Variants in CUL4B observed in about 807,000 individuals in gnomAD.
CUL4B encodes cullin 4B.
In CUL4B, 1 loss-of-function variant was observed where a neutral mutation model predicts 69.2. The observed-to-expected ratio is 0.01, with a 90% CI of 0.01 to 0.07. CUL4B has a LOEUF of 0.07. CUL4B is among the 10% of genes least tolerant of loss of function. The probability of loss-of-function intolerance (pLI) is 1.00; values close to 1 mark genes in which losing one functional copy is unlikely to be tolerated. For missense variants in CUL4B, 328 were observed against 638.8 expected (o/e 0.51, Z 5.24); for synonymous variants, 237 against 223.2 (o/e 1.06, Z -0.55).
At chrX:120,568,946 T>C (rs142761265), downstream of CUL4B, among the ~76,000 whole-genome samples, 6 of 111,452 alleles carry the variant, frequency 5.4e-5, no homozygotes, top group African/African-American at 2.0e-4. Context: ...AGAGCCCCAC[T>C]CACCAAGAGA....
intron 6 of CUL4B, 97 bp downstream of exon 6, chrX:120,544,384 C>A: frequency 1.0e-6 from 1 of 967,649 alleles, no homozygotes; most frequent in Non-Finnish European, 1.5e-6. Flanking sequence ...TTCCTTCAAA[C>A]CTTGTTATGA....
At chrX:120,566,379 A>G (rs1307111835), upstream of CUL4B, among the ~76,000 whole-genome samples, 1 of 65,777 alleles carries the variant, frequency 1.5e-5, no homozygotes, top group African/African-American at 4.6e-5. Flanking sequence ...ATATATATAT[A>G]TATATATATA....
upstream of CUL4B, among the ~76,000 whole-genome samples, chrX:120,563,468 C>A (rs1473658673): frequency 2.7e-5 from 3 of 111,555 alleles, no homozygotes; most frequent in African/African-American, 9.8e-5. Context: ...AACTCCTGGC[C>A]TCAAGTGATC....
At chrX:120,556,030 G>A (rs933326016) in intron 2 of CUL4B, among the ~76,000 whole-genome samples, 7 of 107,803 alleles carry the variant, frequency 6.5e-5, no homozygotes, top group African/African-American at 2.4e-4. Flanking sequence ...GAGATAATAC[G>A]AGATGAATCC....
In CUL4B at chrX:120,560,267, G is replaced by A. The variant is rs769677249; in HGVS notation, c.372C>T (p.Ser124=). Residue 124 remains serine (S), a synonymous_variant, in exon 1 of 20, where the codon TCC becomes TCT. Coordinates refer to ENST00000371322, the MANE Select transcript of CUL4B (RefSeq NM_001079872.2). ...AKMAEESSSS[S]SSSSPTAATS... ...TTGCAGCAGTTGGTGAAGATGAGGA[G>A]GAGGAGGAGGAGGATTCCTCAGCCA... 3 of 1,210,392 alleles carry A rather than the reference G, an allele frequency of 2.5e-6. No homozygotes were observed. The East Asian group carries it at 8.9e-5, about 36-fold the overall frequency.
At chrX:120,564,026 C>T (rs1186145851), upstream of CUL4B, among the ~76,000 whole-genome samples, 1 of 112,264 alleles carries the variant, frequency 8.9e-6, no homozygotes, top group Non-Finnish European at 1.9e-5. Flanking sequence ...GATCTGGCCA[C>T]GCGTGGTGGC....
chrX:120,543,061 T>C (rs1924096015), intron 8 of CUL4B, 28 bp from the exon 9 acceptor site: 6 of 1,031,164 alleles, frequency 5.8e-6, no homozygotes, highest in Non-Finnish European at 8.1e-6. Context: ...AAGGTTAGTA[T>C]TATTGACGTT....
chrX:120,561,469 T>TG, upstream of CUL4B: 1 of 283,449 alleles, frequency 3.5e-6, no homozygotes, highest in South Asian at 3.7e-5. Flanking sequence ...AGGGAGAAAT[T>TG]GGGGGGAAGA....
In CUL4B at chrX:120,536,908, T is replaced by A; in HGVS notation, c.2046+19A>T. The A allele has an allele frequency of 9.3e-7, 1 of 1,072,285 alleles. No individual in the cohort carries two copies. Among genetic ancestry groups the A allele is most frequent in the African/African-American group, 1.8e-5 (1 of 55,053 alleles). 88.4% of individuals were successfully genotyped at this position (1,072,285 alleles called of 1,213,427 possible). A position where few individuals can be genotyped will look rare whatever the true frequency, so the allele number is the denominator to read the frequency against. ...ATGATTTCTATGCCTATAACTCAGT[T>A]CTAAACAGTAACTCTTACCTCTGGT... On this transcript the variant is annotated intron_variant, in intron 15 of 19. Transcript: ENST00000371322.
chrX:120,539,967 T>G (rs987279600), intron 11 of CUL4B, among the ~76,000 whole-genome samples: 2 of 111,622 alleles, frequency 1.8e-5, no homozygotes, highest in African/African-American at 6.5e-5. Context: ...GTATATCACA[T>G]CCTTATGCTA....
intron 19 of CUL4B, among the ~76,000 whole-genome samples, chrX:120,528,871 G>A (rs1469744652): frequency 8.9e-6 from 1 of 112,048 alleles, no homozygotes; most frequent in Admixed American, 9.5e-5. Flanking sequence ...CTTCATGATT[G>A]CATTCTAAGC....
At chrX:120,556,715 T>C (rs908372045) in intron 2 of CUL4B, among the ~76,000 whole-genome samples, 4 of 109,426 alleles carry the variant, frequency 3.7e-5, no homozygotes, top group African/African-American at 1.0e-4. Flanking sequence ...CTTTAGTACC[T>C]GGCCCAAGAT....
upstream of CUL4B, among the ~76,000 whole-genome samples, chrX:120,565,892 AT>A (rs1293275990): frequency 4.9e-5 from 5 of 102,902 alleles, no homozygotes; most frequent in Non-Finnish European, 6.0e-5. Context: ...CGCCCAGCTA[AT>A]TTTTTTTTGT....
chrX:120,562,874 A>G (rs949039313), upstream of CUL4B, among the ~76,000 whole-genome samples: 4 of 112,161 alleles, frequency 3.6e-5, no homozygotes, highest in African/African-American at 1.3e-4. Context: ...GTAGGCGATC[A>G]TAGATAGCAG....
chrX:120,542,293 C>A (rs1924040662), intron 9 of CUL4B, among the ~76,000 whole-genome samples: 1 of 111,144 alleles, frequency 9.0e-6, no homozygotes, highest in Non-Finnish European at 1.9e-5. Context: ...AAAAGCCATG[C>A]ATAAATAGGT....
At chrX:120,561,946 C>T (rs1925345056), upstream of CUL4B, among the ~76,000 whole-genome samples, 1 of 111,333 alleles carries the variant, frequency 9.0e-6, no homozygotes, top group South Asian at 3.7e-4. Context: ...TGAATAAGGC[C>T]TGAATTTTGA....
Position 120,558,058 on chromosome X carries a change from G to T in CUL4B, c.557-19C>A. The stretch of plus-strand genomic sequence containing the variant: ...GGCTTATCTAGATGATATGTAAAAG[G>T]TTGGCATCAGAATACCATGTCAGAT... On this transcript the variant is annotated intron_variant, in intron 1 of 19. Transcript: ENST00000371322. The T allele has an allele frequency of 1.0e-6, 1 of 1,001,631 alleles. No homozygotes were observed. Among genetic ancestry groups the T allele is most frequent in the Non-Finnish European group, 1.4e-6 (1 of 706,938 alleles). The allele number at this position is 1,001,631 out of a possible 1,213,427, so 82.5% of individuals were successfully genotyped here.
rs897287922 is a variant in CUL4B at position 120,525,569 on chromosome X, G to T, written c.*1192C>A. ...AAAACTAGGTGTCCAGTGGCTAAGA[G>T]AACTCGATTTCAAGCAATTCTGAAA... On this transcript the variant is annotated 3_prime_UTR_variant, in exon 20 of 20. Coordinates refer to ENST00000371322, the MANE Select transcript of CUL4B (RefSeq NM_001079872.2). 42 of 111,650 alleles carry T rather than the reference G, an allele frequency of 3.8e-4. No homozygotes were observed. Among genetic ancestry groups the T allele is most frequent in the African/African-American group, 1.3e-3 (40 of 30,792 alleles). 9.2% of individuals were successfully genotyped at this position (111,650 alleles called of 1,213,427 possible). A position where few individuals can be genotyped will look rare whatever the true frequency, so the allele number is the denominator to read the frequency against.
intron 2 of CUL4B, among the ~76,000 whole-genome samples, chrX:120,553,879 T>C (rs1924823979): frequency 9.0e-6 from 1 of 111,669 alleles, no homozygotes; most frequent in South Asian, 3.6e-4. Context: ...AAACCAAAAT[T>C]CCAACTGTAT....
Sources: allele counts gnomAD v4.1 joint callset (sites outside exome capture counted in the v4.1 genomes callset), GRCh38; gene constraint gnomAD v4.1.1; transcripts MANE v1.5; gene names NCBI Gene and HGNC (gene_info 2026-07-23, HGNC 2026-07-21).